The following TENM2 variants were observed in gnomAD, a reference collection of about 807,000 sequenced individuals.
TENM2 encodes the protein teneurin transmembrane protein 2.
Under a neutral mutation model 245.2 loss-of-function variants are expected in TENM2, and 52 were observed. That is an observed-to-expected ratio of 0.21 (90% CI 0.17 to 0.27). The LOEUF (loss-of-function observed/expected upper bound fraction) is 0.27, where lower values mean the gene tolerates loss of function less well. Ranked by LOEUF, TENM2 falls within the 10% of genes least tolerant of loss-of-function variation. The pLI, the probability that TENM2 is intolerant of heterozygous loss-of-function variation, is 1.00. For missense variants in TENM2, 3,046 were observed against 3,666.8 expected, an observed-to-expected ratio of 0.83 and a Z score of 4.37; for synonymous variants, 1,363 against 1,438.9, an observed-to-expected ratio of 0.95 and a Z score of 1.19.
the TENM2 span, among the ~76,000 whole-genome samples, chr5:167,101,849 T>TATATATATATATATATA: frequency 4.3e-4 from 30 of 69,426 alleles, no homozygotes; most frequent in South Asian, 6.1e-3. Flanking sequence ...ATATATATAT[T>TATATATATATATATATA]TATATATATA....
chr5:167,316,140 T>A lies in TENM2; in HGVS notation c.226+31077T>A, dbSNP rs1004282229. Among the ~76,000 whole-genome samples, 19 of 152,206 alleles carry A rather than the reference T, an allele frequency of 1.2e-4. 1 individual carries two copies. Among genetic ancestry groups the A allele is most frequent in the Admixed American group, 1.0e-3 (16 of 15,270 alleles). On this transcript the variant is annotated intron_variant, in intron 1 of 28. Transcript: ENST00000518659. ...CATGCTTCTTGATCTAAGATTTGCT[T>A]ATTTGCTTATTTATTTACTCATCTA... is the stretch of plus-strand genomic sequence containing the variant.
intron 5 of TENM2, among the ~76,000 whole-genome samples, chr5:168,025,087 A>G (rs1291673195): frequency 1.3e-5 from 2 of 152,240 alleles, no homozygotes; most frequent in African/African-American, 4.8e-5. Flanking sequence ...TGCAGTACAC[A>G]CATGGAAATT....
At chr5:167,714,149 G>A (rs1759096628) in intron 2 of TENM2, among the ~76,000 whole-genome samples, 1 of 152,168 alleles carries the variant, frequency 6.6e-6, no homozygotes, top group Admixed American at 6.5e-5. Flanking sequence ...CTTCTTTATA[G>A]CCAGGAGTGT....
chr5:168,262,041 C>A lies in TENM2; in HGVS notation c.7564-8C>A, dbSNP rs777795098. 6.8e-6 allele frequency: 11 copies of A among 1,607,082 alleles called. No individual in the cohort carries two copies. The highest frequency in any genetic ancestry group is 4.4e-5 in the South Asian group (4 of 90,914). On this transcript the variant is annotated splice_region_variant and splice_polypyrimidine_tract_variant and intron_variant, in intron 28 of 28. Coordinates refer to ENST00000518659, the Ensembl canonical transcript of TENM2. Reference sequence around the variant, plus strand: ...TTCTCAGCTTTCTCTGTTTTCTTATCCCCACAGCTCATTACAGGTGTCCAA... The same window carrying A: ...TTCTCAGCTTTCTCTGTTTTCTTATACCCACAGCTCATTACAGGTGTCCAA...
chr5:167,021,198 G>A, the TENM2 span, among the ~76,000 whole-genome samples: 1 of 152,170 alleles, frequency 6.6e-6, no homozygotes, highest in Non-Finnish European at 1.5e-5. Flanking sequence ...ATGCAAAAGT[G>A]GCCTATGCCT....
intron 7 of TENM2, among the ~76,000 whole-genome samples, chr5:168,083,808 T>C (rs1401654411): frequency 6.6e-6 from 1 of 152,196 alleles, no homozygotes; most frequent in Non-Finnish European, 1.5e-5. Flanking sequence ...GTATGTTGCA[T>C]GATGCTAAGG....
chr5:167,184,927 C>A, the TENM2 span, among the ~76,000 whole-genome samples: 3 of 152,150 alleles, frequency 2.0e-5, no homozygotes, highest in African/African-American at 7.2e-5. Context: ...TCATAAGGAG[C>A]ACACAACCTC....
intron 2 of TENM2, among the ~76,000 whole-genome samples, chr5:167,792,810 G>A (rs57873364): frequency 0.068 from 10,327 of 152,000 alleles, 412 homozygotes; most frequent in Middle Eastern, 0.092. Flanking sequence ...GATAATAGCG[G>A]TGTCAGCATG....
chr5:167,055,287 A>G, the TENM2 span, among the ~76,000 whole-genome samples: 1 of 152,074 alleles, frequency 6.6e-6, no homozygotes, highest in African/African-American at 2.4e-5. Flanking sequence ...TTTTGAAAAG[A>G]CTATCCTACT....
chr5:167,706,394 T>C (rs1341338817), intron 2 of TENM2, among the ~76,000 whole-genome samples: 1 of 144,988 alleles, frequency 6.9e-6, no homozygotes, highest in Non-Finnish European at 1.5e-5. Context: ...TGTGATACTA[T>C]ATATATATAT....
the TENM2 span, among the ~76,000 whole-genome samples, chr5:167,153,563 T>C: frequency 2.0e-5 from 3 of 152,018 alleles, no homozygotes; most frequent in East Asian, 1.9e-4. Context: ...GTCATTTTCA[T>C]TGAAAAATAA....
chr5:167,695,626 A>T (rs562307383), intron 2 of TENM2, among the ~76,000 whole-genome samples: 71 of 152,136 alleles, frequency 4.7e-4, no homozygotes, highest in Admixed American at 9.2e-4. Context: ...TTAGCTGGAA[A>T]TAAAGCATAT....
intron 2 of TENM2, among the ~76,000 whole-genome samples, chr5:167,667,652 G>A (rs1261590455): frequency 6.6e-6 from 1 of 152,222 alleles, no homozygotes; most frequent in Non-Finnish European, 1.5e-5. Context: ...CTACTGAGCA[G>A]ACAAACAGTA....
At chr5:167,813,391 A>ACACACACG (rs561906673) in intron 2 of TENM2, among the ~76,000 whole-genome samples, 64 of 109,216 alleles carry the variant, frequency 5.9e-4, no homozygotes, top group African/African-American at 4.2e-3. Context: ...AGTTCTGCAC[A>ACACACACG]CACACACACA....
intron 2 of TENM2, among the ~76,000 whole-genome samples, chr5:167,758,173 G>C (rs1042914460): frequency 1.3e-5 from 2 of 152,186 alleles, no homozygotes; most frequent in Non-Finnish European, 2.9e-5. Context: ...TTGGAAGGCA[G>C]TCTAAATTGC....
At chr5:167,568,847 AAG>A (rs1160555350) in intron 2 of TENM2, among the ~76,000 whole-genome samples, 1 of 152,128 alleles carries the variant, frequency 6.6e-6, no homozygotes, top group Non-Finnish European at 1.5e-5. Context: ...GAGAAAATAA[AAG>A]AGAACATAAT....
intron 2 of TENM2, among the ~76,000 whole-genome samples, chr5:167,456,428 G>C (rs1193178693): frequency 6.9e-6 from 1 of 143,992 alleles, no homozygotes; most frequent in African/African-American, 2.4e-5. Flanking sequence ...TCTTTTCCAA[G>C]CAAAAATAAT....
intron 11 of TENM2, 58 bp from the exon 14 acceptor site, chr5:168,126,696 C>T: frequency 6.9e-7 from 1 of 1,457,262 alleles, no homozygotes; most frequent in Non-Finnish European, 9.4e-7. Flanking sequence ...GTGGTCTGGA[C>T]TCCATGGAAG....
chr5:168,204,972 C>T (rs1190470064), intron 19 of TENM2, among the ~76,000 whole-genome samples: 1 of 152,196 alleles, frequency 6.6e-6, no homozygotes, highest in Admixed American at 6.5e-5. Flanking sequence ...GTATTGAGCA[C>T]CTCTATCTGG....
Sources: gnomAD v4.1 joint callset for allele counts (sites outside exome capture counted in the v4.1 genomes callset) on GRCh38, gnomAD v4.1.1 for gene constraint, MANE v1.5 for transcripts, NCBI Gene and HGNC (gene_info 2026-07-23, HGNC 2026-07-21) for gene names.